The following CREB3L1 variants were observed in gnomAD, a reference collection of about 807,000 sequenced individuals.
CREB3L1 encodes cAMP responsive element binding protein 3 like 1, also known as cyclic AMP-responsive element-binding protein 3-like protein 1.
In CREB3L1, 33 loss-of-function variants were observed where a neutral mutation model predicts 54.5. The observed-to-expected ratio is 0.61, with a 90% CI of 0.46 to 0.81. The LOEUF (loss-of-function observed/expected upper bound fraction) is 0.81, where lower values mean the gene tolerates loss of function less well. Among genes scored for constraint, CREB3L1 ranks in the 30% least tolerant of loss-of-function variants. The pLI, the probability that CREB3L1 is intolerant of heterozygous loss-of-function variation, is 0.00. For synonymous variants in CREB3L1, 284 were observed against 286.4 expected, an observed-to-expected ratio of 0.99 and a Z score of 0.08; for missense variants, 656 against 673.3, an observed-to-expected ratio of 0.97 and a Z score of 0.29.
chr11:46,320,798 GT>G lies in CREB3L1; in HGVS notation c.*54del, dbSNP rs1939639560. The G allele has an allele frequency of 6.3e-7, 1 of 1,589,104 alleles. No individual in the cohort carries two copies. ...CGGACCCCTGGTACCCAGAAGAGGAGTTCTTGCTCACTAACCCGGATCCGCC... is the reference window on the plus strand; with the variant it reads ...CGGACCCCTGGTACCCAGAAGAGGAGTCTTGCTCACTAACCCGGATCCGCC... On this transcript the variant is annotated 3_prime_UTR_variant, in exon 12 of 12. Coordinates refer to ENST00000621158, the MANE Select transcript of CREB3L1 (RefSeq NM_052854.4).
At chr11:46,282,497 C>T (rs957207315) in intron 1 of CREB3L1, among the ~76,000 whole-genome samples, 1 of 152,164 alleles carries the variant, frequency 6.6e-6, no homozygotes. Flanking sequence ...TGGATCCATA[C>T]TCACCCAATT....
chr11:46,311,259 G>A (rs1318850193), intron 5 of CREB3L1, 70 bp downstream of exon 5: 1 of 1,423,964 alleles, frequency 7.0e-7, no homozygotes, highest in Admixed American at 2.8e-5. Flanking sequence ...ACACTGGCCA[G>A]TCAGGAGGGT....
chr11:46,320,491 C>T lies in CREB3L1; in HGVS notation c.1486C>T (p.Pro496Ser). ...WPKDGGNGTS[P>S]DFSHSKEWFH... ...TAAAGACGGTGGAAACGGCACCAGC[C>T]CCGACTTCTCCCACTCCAAGGAGTG... Residue 496 changes from proline to serine, a missense_variant, in exon 11 of 12, where the codon CCC (proline) becomes TCC (serine). Transcript: ENST00000621158. 1 of 1,587,662 alleles carries T rather than the reference C, an allele frequency of 6.3e-7. No homozygotes were observed. The highest frequency in any genetic ancestry group is 8.6e-7 in the Non-Finnish European group (1 of 1,167,778).
intron 9 of CREB3L1, 22 bp from the exon 10 acceptor site, chr11:46,317,339 G>A (rs943862758): frequency 6.2e-7 from 1 of 1,613,720 alleles, no homozygotes; most frequent in Non-Finnish European, 8.5e-7. Context: ...CAGATCTGAT[G>A]CCACTCTCTC....
intron 1 of CREB3L1, among the ~76,000 whole-genome samples, chr11:46,290,447 C>T (rs1229694355): frequency 6.6e-6 from 1 of 152,146 alleles, no homozygotes; most frequent in Non-Finnish European, 1.5e-5. Flanking sequence ...GCCCCACTCA[C>T]CATCCTTCCA....
intron 5 of CREB3L1, among the ~76,000 whole-genome samples, chr11:46,311,814 GC>G (rs1292124717): frequency 6.6e-6 from 1 of 152,128 alleles, no homozygotes; most frequent in Non-Finnish European, 1.5e-5. Flanking sequence ...AAATCCTTTC[GC>G]CCTGCCTCAT....
Position 46,316,366 on chromosome 11 carries a change from A to G in CREB3L1, c.1112A>G (p.Gln371Arg). ...AGACCTTACAAGATGGCCGCCACCC[A>G]GACTGGGACCTGCCTCATGGTAGGT... ...ISRPYKMAAT[Q>R]TGTCLMVAAL... The change falls in exon 9 of 12, where the codon CAG (glutamine) becomes CGG (arginine). Residue 371 changes from glutamine (Q) to arginine (R), a missense_variant. This residue lies in a region of CREB3L1 where 240 missense variants were observed against 219.8 expected (regional missense o/e 1.09). Transcript: ENST00000621158. The G allele has an allele frequency of 6.4e-7, 1 of 1,568,856 alleles. No individual in the cohort carries two copies. Among genetic ancestry groups the G allele is most frequent in the Admixed American group, 1.9e-5 (1 of 53,620 alleles).
chr11:46,307,627 TG>T (rs1157992109), intron 2 of CREB3L1, among the ~76,000 whole-genome samples, 188 bp from the exon 3 acceptor site: 2 of 152,180 alleles, frequency 1.3e-5, no homozygotes, highest in Admixed American at 1.3e-4. Context: ...AGCTGCTGAA[TG>T]AAGAGGATGT....
Position 46,295,250 on chromosome 11 carries a change from A to G in CREB3L1, c.103-4685A>G. 7.7e-6 allele frequency: 1 copy of G among 129,698 alleles called. No individual in the cohort carries two copies. Among genetic ancestry groups the G allele is most frequent in the Non-Finnish European group, 1.6e-5 (1 of 61,260 alleles). The allele number at this position is 129,698 out of a possible 1,614,324, so 8.0% of individuals were successfully genotyped here. A position where few individuals can be genotyped will look rare whatever the true frequency, so the allele number is the denominator to read the frequency against. On this transcript the variant is annotated intron_variant, in intron 1 of 11. Coordinates refer to ENST00000621158, the MANE Select transcript of CREB3L1 (RefSeq NM_052854.4). This position sits in a 1 kb window ranked among gnomAD's most constrained non-coding sequence, Gnocchi z 4.6. Reference sequence around the variant, plus strand: ...TTGGGGAAGGAATTTAGGGAGGGGTAAAACAAGGCTAGAGCTGGTACCATT... The same window carrying G: ...TTGGGGAAGGAATTTAGGGAGGGGTGAAACAAGGCTAGAGCTGGTACCATT...
At chr11:46,316,118 C>T in intron 8 of CREB3L1, 168 bp from the exon 9 acceptor site, 1 of 559,660 alleles carries the variant, frequency 1.8e-6, no homozygotes. Context: ...GCCCCAGGCG[C>T]CAGGCCACTC....
intron 1 of CREB3L1, among the ~76,000 whole-genome samples, chr11:46,290,611 G>C (rs1467295395): frequency 6.6e-6 from 1 of 151,876 alleles, no homozygotes; most frequent in Admixed American, 6.6e-5. Context: ...AGCCCCTGGG[G>C]TCTGCAGGAG....
chr11:46,317,525 G>T, intron 10 of CREB3L1, 38 bp downstream of exon 10: 1 of 1,600,944 alleles, frequency 6.2e-7, no homozygotes, highest in East Asian at 2.2e-5. Flanking sequence ...CCTGGGCTGA[G>T]GCTGCCCTGC....
In CREB3L1 at chr11:46,313,609, C is replaced by T. The variant is rs118039876; in HGVS notation, c.1031+690C>T. On this transcript the variant is annotated intron_variant, in intron 8 of 11. Transcript: ENST00000621158. ...GCTGAGGGAGAAGAATCACTTGAAT[C>T]CGAGAGGCGGCAGTTGCAGTGAGCT... Among the ~76,000 whole-genome samples the T allele has an allele frequency of 4.9e-3, 745 of 152,132 alleles. 7 individuals carry two copies. Among genetic ancestry groups the T allele is most frequent in the Non-Finnish European group, 5.2e-3 (352 of 68,006 alleles).
chr11:46,309,370 C>T (rs914306997), intron 3 of CREB3L1, among the ~76,000 whole-genome samples: 1 of 152,204 alleles, frequency 6.6e-6, no homozygotes, highest in African/African-American at 2.4e-5. Flanking sequence ...CAAAGCCATG[C>T]ATGCTCTTGA....
chr11:46,300,902 A>C (rs1412020329), intron 2 of CREB3L1, among the ~76,000 whole-genome samples: 1 of 149,040 alleles, frequency 6.7e-6, no homozygotes, highest in African/African-American at 2.5e-5. Context: ...CTACTTGGGA[A>C]GCTGAGGCAG....
Position 46,295,644 on chromosome 11 carries a change from G to A in CREB3L1, c.103-4291G>A, listed in dbSNP as rs1306078962. 2.0e-5 allele frequency among the ~76,000 whole-genome samples: 3 copies of A among 152,330 alleles called. No homozygotes were observed. The highest frequency in any genetic ancestry group is 1.9e-4 in the East Asian group (1 of 5,172). On this transcript the variant is annotated intron_variant, in intron 1 of 11. Coordinates refer to ENST00000621158, the MANE Select transcript of CREB3L1 (RefSeq NM_052854.4). The surrounding 1 kb of genome is among the most constrained non-coding windows in gnomAD (Gnocchi z 4.6). The stretch of plus-strand genomic sequence containing the variant: ...CTCCGGTGCCCTCCACGCCGCCACC[G>A]GCTGCTGCTCGCAGCCTCCCGCCAT...
intron 2 of CREB3L1, 55 bp from the exon 3 acceptor site, chr11:46,307,761 G>T: frequency 2.8e-6 from 4 of 1,422,532 alleles, no homozygotes; most frequent in Non-Finnish European, 3.7e-6. Context: ...CAGGGGGCAG[G>T]CAGGGGGCTG....
In CREB3L1 at chr11:46,312,880, A is replaced by G; in HGVS notation, c.992A>G (p.Glu331Gly). 6.3e-7 allele frequency: 1 copy of G among 1,593,696 alleles called. No homozygotes were observed. The highest frequency in any genetic ancestry group is 1.1e-5 in the South Asian group (1 of 87,612). Residue 331 changes from glutamate to glycine, a missense_variant, in exon 8 of 12, where the codon GAA (glutamate) becomes GGA (glycine). Physicochemically the swap from Glu to Gly is moderately conservative, Grantham distance 98 (BLOSUM62 -2). Transcript: ENST00000621158. ...GAGACATTTACATCTGAGAACAATGAACTGTGGAAGAAGGTGGAGACCCTG... is the reference window on the plus strand; with the variant it reads ...GAGACATTTACATCTGAGAACAATGGACTGTGGAAGAAGGTGGAGACCCTG... The part of the protein sequence containing the change: ...KVETFTSENN[E>G]LWKKVETLEN...
At position 46,295,667 on chromosome 11, in the gene CREB3L1, C is replaced by A. The variant is rs1408578176; in HGVS notation, c.103-4268C>A. Among the ~76,000 whole-genome samples the A allele has an allele frequency of 6.6e-6, 1 of 152,258 alleles. No homozygotes were observed. The highest frequency in any genetic ancestry group is 2.4e-5 in the African/African-American group (1 of 41,476). ...CCGGCTGCTGCTCGCAGCCTCCCGC[C>A]ATTGGCCAGGAGCTCTGCGGCTCCC... On this transcript the variant is annotated intron_variant, in intron 1 of 11. Coordinates refer to ENST00000621158, the MANE Select transcript of CREB3L1 (RefSeq NM_052854.4). This position sits in a 1 kb window ranked among gnomAD's most constrained non-coding sequence, Gnocchi z 4.6.
Sources: gnomAD v4.1 joint callset for allele counts (sites outside exome capture counted in the v4.1 genomes callset) on GRCh38, gnomAD v4.1.1 for gene constraint, gnomAD v4.1.1 regional missense constraint, Gnocchi (gnomAD v3.1) non-coding constraint, MANE v1.5 for transcripts, NCBI Gene and HGNC (gene_info 2026-07-23, HGNC 2026-07-21) for gene names.